Variants in TRADD observed in about 807,000 individuals in gnomAD.
TRADD encodes the protein TNFRSF1A associated via death domain.
A neutral mutation model predicts 31.5 loss-of-function variants in TRADD; 14 were observed. The observed-to-expected ratio is 0.44, with a 90% CI of 0.29 to 0.69. The LOEUF (loss-of-function observed/expected upper bound fraction) is 0.69. TRADD is among the 30% of genes least tolerant of loss of function. The pLI is 0.11. For synonymous variants in TRADD, 220 were observed against 215.8 expected, an observed-to-expected ratio of 1.02 and a Z score of -0.17; for missense variants, 388 against 435.7, an observed-to-expected ratio of 0.89 and a Z score of 0.97.
chr16:67,154,763 G>T lies in TRADD; in HGVS notation c.825C>A (p.Ala275=). 4 of 1,606,322 alleles carry T rather than the reference G, an allele frequency of 2.5e-6. No homozygotes were observed. The highest frequency in any genetic ancestry group is 3.4e-6 in the Non-Finnish European group (4 of 1,177,116). ...GCTGCAGCGTGGCGCGGCGGCCCTC[G>T]GCCTGCACGAAGCGCCGCAGCAGCT... ...AFQLLRRFVQ[A]EGRRATLQRL... The change falls in exon 5 of 5, where the codon GCC becomes GCA. Residue 275 remains alanine (A), a synonymous_variant. Transcript: ENST00000345057. The surrounding 1 kb of genome is among the most constrained non-coding windows in gnomAD (Gnocchi z 5.2).
Position 67,154,986 on chromosome 16 carries a change from G to A in TRADD, c.629-27C>T, listed in dbSNP as rs368982409. ...TGCAGAGGGAGTGGGGAAACGGGGT[G>A]AGGGCGGGGACCCCCAGCGCCGGTC... On this transcript the variant is annotated intron_variant, in intron 4 of 4. Transcript: ENST00000345057. The surrounding 1 kb of genome is among the most constrained non-coding windows in gnomAD (Gnocchi z 5.2). 9 of 1,599,688 alleles carry A rather than the reference G, an allele frequency of 5.6e-6. No individual in the cohort carries two copies. The Admixed American group carries it at 8.5e-5, about 15-fold the overall frequency.
rs1423047034 is a variant in TRADD, at chr16:67,154,373, C to T, written c.*276G>A. 1 of 565,124 alleles carries T rather than the reference C, an allele frequency of 1.8e-6. No homozygotes were observed. Among genetic ancestry groups the T allele is most frequent in the Non-Finnish European group, 3.2e-6 (1 of 314,500 alleles). The allele number at this position is 565,124 out of a possible 1,614,324, so 35.0% of individuals were successfully genotyped here. A position where few individuals can be genotyped will look rare whatever the true frequency, so the allele number is the denominator to read the frequency against. ...TCATGAGTGAAACTGTAAGGGCTGGCTGTAAGCCCCGCTTCTGGGATGGGA... is the reference window on the plus strand; with the variant it reads ...TCATGAGTGAAACTGTAAGGGCTGGTTGTAAGCCCCGCTTCTGGGATGGGA... On this transcript the variant is annotated 3_prime_UTR_variant, in exon 5 of 5. Transcript: ENST00000345057. The surrounding 1 kb of genome is among the most constrained non-coding windows in gnomAD (Gnocchi z 5.2).
In TRADD at chr16:67,154,887, C is replaced by G. The variant is rs929703244; in HGVS notation, c.701G>C (p.Gly234Ala). The G allele has an allele frequency of 6.2e-7, 1 of 1,602,724 alleles. No homozygotes were observed. Among genetic ancestry groups the G allele is most frequent in the Admixed American group, 1.7e-5 (1 of 59,140 alleles). ...RSVGLKWRKV[G>A]RSLQRGCRAL... Reference sequence around the variant, plus strand: ...CCGGCAGCCTCGCTGCAGTGAGCGCCCCACCTTGCGCCATTTGAGACCCAC... The same window carrying G: ...CCGGCAGCCTCGCTGCAGTGAGCGCGCCACCTTGCGCCATTTGAGACCCAC... Residue 234 changes from glycine to alanine, a missense_variant, in exon 5 of 5, where the codon GGG becomes GCG. By Grantham distance (60) the Gly-to-Ala change is moderately conservative. Transcript: ENST00000345057. This position sits in a 1 kb window ranked among gnomAD's most constrained non-coding sequence, Gnocchi z 5.2.
chr16:67,154,869 C>A lies in TRADD; in HGVS notation c.719G>T (p.Gly240Val). 1 of 1,598,932 alleles carries A rather than the reference C, an allele frequency of 6.3e-7. No homozygotes were observed. Among genetic ancestry groups the A allele is most frequent in the South Asian group, 1.1e-5 (1 of 89,018 alleles). ...WRKVGRSLQR[G>V]CRALRDPALD... ...CGCCGGGTCCCGCAGCGCCCGGCAG[C>A]CTCGCTGCAGTGAGCGCCCCACCTT... Residue 240 changes from glycine to valine, a missense_variant, in exon 5 of 5, where the codon GGC becomes GTC. By Grantham distance (109) the Gly-to-Val change is moderately radical (BLOSUM62 -3). Coordinates refer to ENST00000345057, the MANE Select transcript of TRADD (RefSeq NM_003789.4). The surrounding 1 kb of genome is among the most constrained non-coding windows in gnomAD (Gnocchi z 5.2).
At chr16:67,157,277 C>T (rs2030732240) in intron 1 of TRADD, among the ~76,000 whole-genome samples, 3 of 152,226 alleles carry the variant, frequency 2.0e-5, no homozygotes, top group South Asian at 2.1e-4. Context: ...GTCCCACTCC[C>T]TAGTTCCAGG....
In TRADD at chr16:67,155,411, T is replaced by G. The variant is rs1481844119; in HGVS notation, c.395A>C (p.Glu132Ala). 2.5e-6 allele frequency: 4 copies of G among 1,597,974 alleles called. No homozygotes were observed. The highest frequency in any genetic ancestry group is 3.4e-6 in the Non-Finnish European group (4 of 1,179,544). Residue 132 changes from glutamate (E) to alanine (A), a missense_variant, in exon 3 of 5, where the codon GAG becomes GCG. By Grantham distance (107) the Glu-to-Ala change is moderately radical (BLOSUM62 -1). Transcript: ENST00000345057. ...AERLDALLAD[E>A]ERCLSCILAQ... ...TAGGATGCAACTCAAACAGCGCTCC[T>G]CGTCCGCCAGCAAAGCGTCCAGCCG...
In TRADD at chr16:67,154,991, C is replaced by A; in HGVS notation, c.629-32G>T. On this transcript the variant is annotated intron_variant, in intron 4 of 4. Transcript: ENST00000345057. This position sits in a 1 kb window ranked among gnomAD's most constrained non-coding sequence, Gnocchi z 5.2. ...AGGGAGTGGGGAAACGGGGTGAGGGCGGGGACCCCCAGCGCCGGTCCCACC... is the reference window on the plus strand; with the variant it reads ...AGGGAGTGGGGAAACGGGGTGAGGGAGGGGACCCCCAGCGCCGGTCCCACC... The A allele has an allele frequency of 6.3e-7, 1 of 1,595,476 alleles. No homozygotes were observed. The highest frequency in any genetic ancestry group is 8.5e-7 in the Non-Finnish European group (1 of 1,172,206).
Position 67,156,016 on chromosome 16 carries a change from G to C in TRADD, c.152-362C>G. 7.2e-7 allele frequency: 1 copy of C among 1,384,118 alleles called. No individual in the cohort carries two copies. The highest frequency in any genetic ancestry group is 9.5e-7 in the Non-Finnish European group (1 of 1,051,404). 85.7% of individuals were successfully genotyped at this position (1,384,118 alleles called of 1,614,324 possible). Reference sequence around the variant, plus strand: ...GCCAGCAGGGCAGAGGAGGGCGAGAGGTCTCAGGTCTTCGGCCTCCACCAA... The same window carrying C: ...GCCAGCAGGGCAGAGGAGGGCGAGACGTCTCAGGTCTTCGGCCTCCACCAA... On this transcript the variant is annotated intron_variant, in intron 2 of 4. Transcript: ENST00000345057. This position sits in a 1 kb window ranked among gnomAD's most constrained non-coding sequence, Gnocchi z 4.6.
Position 67,154,819 on chromosome 16 carries a change from C to A in TRADD, c.769G>T (p.Glu257Ter). Reference sequence around the variant, plus strand: ...GCCTGCTCGTACAGTCCCTCGCGCTCGTACTCGTAGGCCAGCGAGTCCAGC... The same window carrying A: ...GCCTGCTCGTACAGTCCCTCGCGCTAGTACTCGTAGGCCAGCGAGTCCAGC... ...PALDSLAYEY[E>*]REGLYEQAFQ... Residue 257 changes from glutamate (E) to a stop codon, truncating the protein, a stop_gained, in exon 5 of 5, where the codon GAG becomes TAG. Transcript: ENST00000345057. LOFTEE classifies it high-confidence loss of function. The surrounding 1 kb of genome is among the most constrained non-coding windows in gnomAD (Gnocchi z 5.2). The A allele has an allele frequency of 6.3e-7, 1 of 1,592,588 alleles. No homozygotes were observed. Among genetic ancestry groups the A allele is most frequent in the South Asian group, 1.1e-5 (1 of 88,482 alleles).
chr16:67,155,682 G>A lies in TRADD; in HGVS notation c.152-28C>T, dbSNP rs903560233. On this transcript the variant is annotated intron_variant, in intron 2 of 4. Coordinates refer to ENST00000345057, the MANE Select transcript of TRADD (RefSeq NM_003789.4). ...GCGGAGGCGGGCGGTCAGGCGCCGG[G>A]CGGTCCCCAAGCTCGGCCGTTCTCC... 15 of 1,551,954 alleles carry A rather than the reference G, an allele frequency of 9.7e-6. No homozygotes were observed. The African/African-American group carries it at 1.5e-4, about 15-fold the overall frequency.
intron 1 of TRADD, among the ~76,000 whole-genome samples, chr16:67,157,826 C>A (rs2030753276): frequency 6.6e-6 from 1 of 152,232 alleles, no homozygotes; most frequent in Non-Finnish European, 1.5e-5. Flanking sequence ...AACCACTGCA[C>A]TGACCTACAG....
rs1029533987 is a variant in TRADD at position 67,156,736 on chromosome 16, C to T, written c.-8-68G>A. The T allele has an allele frequency of 2.2e-5, 35 of 1,600,128 alleles. No individual in the cohort carries two copies. The Admixed American group carries it at 2.8e-4, about 13-fold the overall frequency. ...CTCCACCCTGGAGACAACTACCCAG[C>T]CCCACGTGGTTCAGCTGTCCCCACC... On this transcript the variant is annotated intron_variant, in intron 1 of 4. Transcript: ENST00000345057. The surrounding 1 kb of genome is among the most constrained non-coding windows in gnomAD (Gnocchi z 4.6).
At chr16:67,155,876 G>A (rs2030674105) in intron 2 of TRADD, 24 of 1,519,082 alleles carry the variant, frequency 1.6e-5, no homozygotes, top group Non-Finnish European at 2.1e-5. Flanking sequence ...AAGACAGAGT[G>A]GGTGCCACCT....
intron 1 of TRADD, among the ~76,000 whole-genome samples, chr16:67,158,695 T>C (rs1412716867): frequency 1.3e-5 from 2 of 152,216 alleles, no homozygotes; most frequent in East Asian, 3.8e-4. Context: ...TAAATTTGTT[T>C]TCTTTAAAAG....
At position 67,156,131 on chromosome 16, in the gene TRADD, C is replaced by T. The variant is rs1237238341; in HGVS notation, c.151+379G>A. The T allele has an allele frequency of 7.4e-7, 1 of 1,357,300 alleles. No homozygotes were observed. The highest frequency in any genetic ancestry group is 9.7e-7 in the Non-Finnish European group (1 of 1,034,016). The allele number at this position is 1,357,300 out of a possible 1,614,324, so 84.1% of individuals were successfully genotyped here. A position where few individuals can be genotyped will look rare whatever the true frequency, so the allele number is the denominator to read the frequency against. On this transcript the variant is annotated intron_variant, in intron 2 of 4. Coordinates refer to ENST00000345057, the MANE Select transcript of TRADD (RefSeq NM_003789.4). This position sits in a 1 kb window ranked among gnomAD's most constrained non-coding sequence, Gnocchi z 4.6. ...CCAACCCGCTTCAGCCTCCTGTGGCCTCTGCCCTGAGATGGGAAAGGGGGG... is the reference window on the plus strand; with the variant it reads ...CCAACCCGCTTCAGCCTCCTGTGGCTTCTGCCCTGAGATGGGAAAGGGGGG...
Position 67,154,867 on chromosome 16 carries a change from A to G in TRADD, c.721T>C (p.Cys241Arg), listed in dbSNP as rs1362332512. Residue 241 changes from cysteine to arginine, a missense_variant, in exon 5 of 5, where the codon TGC becomes CGC. Transcript: ENST00000345057. The surrounding 1 kb of genome is among the most constrained non-coding windows in gnomAD (Gnocchi z 5.2). ...RKVGRSLQRG[C>R]RALRDPALDS... ...AGCGCCGGGTCCCGCAGCGCCCGGC[A>G]GCCTCGCTGCAGTGAGCGCCCCACC... is the stretch of plus-strand genomic sequence containing the variant. 1 of 1,598,828 alleles carries G rather than the reference A, an allele frequency of 6.3e-7. No individual in the cohort carries two copies. The highest frequency in any genetic ancestry group is 1.3e-5 in the African/African-American group (1 of 74,538).
chr16:67,155,704 CT>C, intron 2 of TRADD, 50 bp from the exon 3 acceptor site: 2 of 1,520,748 alleles, frequency 1.3e-6, no homozygotes, highest in South Asian at 1.2e-5. Context: ...CTCGGCCGTT[CT>C]CCAAACGGCC....
chr16:67,156,394 C>A lies in TRADD; in HGVS notation c.151+116G>T. ...GAAGAGAGTCTGCACAGCCAGGGGTCCTCCGTCTTGCTCCTCCCACCCCAA... is the reference window on the plus strand; with the variant it reads ...GAAGAGAGTCTGCACAGCCAGGGGTACTCCGTCTTGCTCCTCCCACCCCAA... On this transcript the variant is annotated intron_variant, in intron 2 of 4. Coordinates refer to ENST00000345057, the MANE Select transcript of TRADD (RefSeq NM_003789.4). The surrounding 1 kb of genome is among the most constrained non-coding windows in gnomAD (Gnocchi z 4.6). The A allele has an allele frequency of 6.7e-7, 1 of 1,491,764 alleles. No individual in the cohort carries two copies. The highest frequency in any genetic ancestry group is 9.1e-7 in the Non-Finnish European group (1 of 1,092,964). 92.4% of individuals were successfully genotyped at this position (1,491,764 alleles called of 1,614,324 possible). A position where few individuals can be genotyped will look rare whatever the true frequency, so the allele number is the denominator to read the frequency against.
Position 67,156,415 on chromosome 16 carries a change from C to T in TRADD, c.151+95G>A. 1.9e-6 allele frequency: 3 copies of T among 1,582,554 alleles called. No homozygotes were observed. The highest frequency in any genetic ancestry group is 2.6e-6 in the Non-Finnish European group (3 of 1,167,478). ...GGGTCCTCCGTCTTGCTCCTCCCAC[C>T]CCAAATCTTCTTCTTAAAGGTGGCT... On this transcript the variant is annotated intron_variant, in intron 2 of 4. Transcript: ENST00000345057. This position sits in a 1 kb window ranked among gnomAD's most constrained non-coding sequence, Gnocchi z 4.6.
Sources: gnomAD v4.1 joint callset for allele counts (sites outside exome capture counted in the v4.1 genomes callset) on GRCh38, gnomAD v4.1.1 for gene constraint, Gnocchi (gnomAD v3.1) non-coding constraint, MANE v1.5 for transcripts, NCBI Gene and HGNC (gene_info 2026-07-23, HGNC 2026-07-21) for gene names.